Variants in MBNL3 observed in about 807,000 individuals in gnomAD.
MBNL3 encodes muscleblind-like protein 3.
In MBNL3, 6 loss-of-function variants were observed where a neutral mutation model predicts 24.5. That is an observed-to-expected ratio of 0.25 (90% CI 0.13 to 0.48). The LOEUF (loss-of-function observed/expected upper bound fraction) is 0.48, where lower values mean the gene tolerates loss of function less well. Ranked by LOEUF, MBNL3 falls within the 20% of genes least tolerant of loss-of-function variation. The probability of loss-of-function intolerance (pLI) is 0.99; values close to 1 mark genes in which losing one functional copy is unlikely to be tolerated. For synonymous variants in MBNL3, 100 were observed against 101.7 expected, an observed-to-expected ratio of 0.98 and a Z score of 0.10; for missense variants, 230 against 293.5, an observed-to-expected ratio of 0.78 and a Z score of 1.58.
At chrX:132,388,980 A>G (rs1388399783) in intron 5 of MBNL3, among the ~76,000 whole-genome samples, 1 of 111,607 alleles carries the variant, frequency 9.0e-6, no homozygotes, top group Non-Finnish European at 1.9e-5. Flanking sequence ...GGAATTTTAT[A>G]TTGATATTCA....
intron 2 of MBNL3, among the ~76,000 whole-genome samples, chrX:132,428,995 C>A (rs1283479718): frequency 2.7e-5 from 3 of 111,912 alleles, no homozygotes; most frequent in African/African-American, 9.7e-5. Context: ...CCAAATCTCT[C>A]CTACTTAATG....
intron 1 of MBNL3, among the ~76,000 whole-genome samples, chrX:132,458,248 A>G (rs890885177): frequency 1.2e-4 from 13 of 110,285 alleles, no homozygotes; most frequent in African/African-American, 4.3e-4. Flanking sequence ...AAATTTCAAA[A>G]AATGTCTTAG....
At chrX:132,396,345 CATAT>C (rs60225920) in intron 3 of MBNL3, among the ~76,000 whole-genome samples, 25 of 78,105 alleles carry the variant, frequency 3.2e-4, no homozygotes, top group African/African-American at 1.3e-3. Context: ...CATATATATT[CATAT>C]ATATATATTC....
intron 3 of MBNL3, among the ~76,000 whole-genome samples, chrX:132,401,938 C>T (rs147744187): frequency 0.017 from 1,916 of 110,958 alleles, 36 homozygotes; most frequent in African/African-American, 0.059. Flanking sequence ...ATTTGGTAAA[C>T]AGAATTATGA....
At chrX:132,393,974 C>T (rs1224024567) in intron 3 of MBNL3, among the ~76,000 whole-genome samples, 1 of 111,604 alleles carries the variant, frequency 9.0e-6, no homozygotes, top group Non-Finnish European at 1.9e-5. Context: ...TGTTATAAAC[C>T]ATATTCAGCT....
intron 3 of MBNL3, among the ~76,000 whole-genome samples, chrX:132,405,393 G>A (rs1438859081): frequency 1.8e-5 from 2 of 111,236 alleles, no homozygotes; most frequent in African/African-American, 6.5e-5. Context: ...GGGGAAATCT[G>A]AATAAAGTCT....
At chrX:132,482,748 G>A (rs1052136325) in intron 1 of MBNL3, among the ~76,000 whole-genome samples, 2 of 111,918 alleles carry the variant, frequency 1.8e-5, no homozygotes, top group Non-Finnish European at 3.8e-5. Context: ...AAAAAGTCCC[G>A]CCAAAATCCA....
chrX:132,411,825 A>G (rs1942776512), intron 2 of MBNL3, among the ~76,000 whole-genome samples: 1 of 111,170 alleles, frequency 9.0e-6, no homozygotes, highest in Non-Finnish European at 1.9e-5. Flanking sequence ...TCCACTTTCA[A>G]TCTCCAGGGA....
chrX:132,396,784 TCA>T (rs1939357159), intron 3 of MBNL3, among the ~76,000 whole-genome samples: 1 of 31,169 alleles, frequency 3.2e-5, no homozygotes, highest in Non-Finnish European at 4.7e-5. Context: ...ATATATATAT[TCA>T]TATATATATT....
chrX:132,462,435 T>G (rs976728355), intron 1 of MBNL3, among the ~76,000 whole-genome samples: 1 of 112,560 alleles, frequency 8.9e-6, no homozygotes, highest in Admixed American at 9.4e-5. Flanking sequence ...GCTGGGAATC[T>G]GCTAGAGAAG....
chrX:132,396,914 A>ACATATATATTCATATATATATT (rs1350123935), intron 3 of MBNL3, among the ~76,000 whole-genome samples: 7 of 52,862 alleles, frequency 1.3e-4, no homozygotes, highest in Admixed American at 5.1e-4. Context: ...ATACATATAT[A>ACATATATATTCATATATATATT]CATATATATT....
intron 1 of MBNL3, among the ~76,000 whole-genome samples, chrX:132,486,834 GA>G (rs891918728): frequency 2.7e-5 from 3 of 110,730 alleles, no homozygotes; most frequent in Non-Finnish European, 5.7e-5. Context: ...GACAGTTGAG[GA>G]AAAAAAAGGT....
intron 6 of MBNL3, 35 bp downstream of exon 6, chrX:132,386,626 C>T (rs1465284525): frequency 4.2e-6 from 5 of 1,204,056 alleles, no homozygotes; most frequent in African/African-American, 1.8e-5. Context: ...ACAACATCAC[C>T]AAACTCGCTG....
chrX:132,401,730 G>A (rs1940967814), intron 3 of MBNL3, among the ~76,000 whole-genome samples: 1 of 110,840 alleles, frequency 9.0e-6, no homozygotes, highest in African/African-American at 3.3e-5. Flanking sequence ...ATACATTGTA[G>A]CCCTTTAGTA....
chrX:132,406,998 G>A (rs1004551225), intron 2 of MBNL3, among the ~76,000 whole-genome samples: 1 of 111,931 alleles, frequency 8.9e-6, no homozygotes, highest in African/African-American at 3.2e-5. Flanking sequence ...GGTTATTGGG[G>A]AAGGGGAAGG....
chrX:132,403,221 C>T (rs183631225), intron 3 of MBNL3, among the ~76,000 whole-genome samples: 1 of 111,787 alleles, frequency 8.9e-6, no homozygotes, highest in African/African-American at 3.2e-5. Context: ...AAATTGCTCA[C>T]ACTAGCTCAA....
intron 1 of MBNL3, among the ~76,000 whole-genome samples, chrX:132,488,641 GGAAGA>G (rs1221931582): frequency 9.0e-6 from 1 of 111,403 alleles, no homozygotes; most frequent in East Asian, 2.8e-4. Context: ...AAGGGGAGGA[GGAAGA>G]GAAGAGGAGG....
intron 3 of MBNL3, among the ~76,000 whole-genome samples, chrX:132,394,082 A>G (rs1174934148): frequency 9.0e-6 from 1 of 111,512 alleles, no homozygotes; most frequent in East Asian, 2.8e-4. Context: ...CTGGCACCAA[A>G]AAACTGGCAA....
intron 5 of MBNL3, among the ~76,000 whole-genome samples, chrX:132,388,994 G>A (rs1936646356): frequency 9.0e-6 from 1 of 111,476 alleles, no homozygotes; most frequent in South Asian, 3.7e-4. Flanking sequence ...ATATTCACAA[G>A]TAACAATTGA....
Sources: allele counts gnomAD v4.1 joint callset (sites outside exome capture counted in the v4.1 genomes callset), GRCh38; gene constraint gnomAD v4.1.1; transcripts MANE v1.5; gene names NCBI Gene and HGNC (gene_info 2026-07-23, HGNC 2026-07-21).